PRH1: variants seen among roughly 807,000 people sequenced by gnomAD.
PRH1 encodes the protein salivary acidic proline-rich phosphoprotein 1/2.
In PRH1, 7 loss-of-function variants were observed where a neutral mutation model predicts 7.9. The observed-to-expected ratio is 0.89, with a 90% confidence interval of 0.50 to 1.67. The LOEUF (loss-of-function observed/expected upper bound fraction) is 1.67. Among genes scored for constraint, PRH1 ranks in the 40% most tolerant of loss-of-function variants. PRH1 has a pLI of 0.00. For synonymous variants in PRH1, 45 were observed against 80.8 expected (o/e 0.56, Z 2.38); for missense variants, 109 against 223.6 (o/e 0.49, Z 3.27).
intron 1 of PRH1, chr12:11,022,596 G>T: frequency 1.3e-6 from 2 of 1,533,842 alleles, no homozygotes; most frequent in Non-Finnish European, 1.8e-6. Context: ...AAAAATGCAG[G>T]CTTAGTAACA....
chr12:11,132,991 T>C (rs796375456), intron 1 of PRH1: 2 of 126,852 alleles, frequency 1.6e-5, no homozygotes, highest in Non-Finnish European at 2.9e-5. Flanking sequence ...ACAAATGAAA[T>C]ATAAAATACA....
intron 1 of PRH1, chr12:10,986,598 C>T (rs773277402): frequency 1.9e-6 from 3 of 1,613,868 alleles, no homozygotes; most frequent in Non-Finnish European, 2.5e-6. Context: ...GGTTACAACC[C>T]AGGCATTATA....
intron 1 of PRH1, among the ~76,000 whole-genome samples, chr12:11,087,237 G>A (rs369923733): frequency 0.032 from 2,452 of 76,854 alleles, 36 homozygotes; most frequent in Non-Finnish European, 0.049. Context: ...AAGTATTTGG[G>A]ACTATAGGCA....
At chr12:11,145,863 A>T (rs1217186609) in intron 1 of PRH1, among the ~76,000 whole-genome samples, 1 of 152,302 alleles carries the variant, frequency 6.6e-6, no homozygotes, top group African/African-American at 2.4e-5. Flanking sequence ...ATGAAGCATT[A>T]TAATGTTTTT....
chr12:11,031,141 A>G (rs774068493), intron 1 of PRH1: 15 of 1,614,140 alleles, frequency 9.3e-6, no homozygotes, highest in African/African-American at 6.7e-5. Context: ...TTGAATACCA[A>G]TTTAATAATA....
At chr12:11,070,398 C>T (rs1226725556) in intron 1 of PRH1, among the ~76,000 whole-genome samples, 5 of 96,762 alleles carry the variant, frequency 5.2e-5, no homozygotes, top group Non-Finnish European at 4.9e-5. Context: ...GAGCAGCCCA[C>T]CCTAAGGGGC....
At chr12:10,929,226 C>A in intron 2 of PRH1, 1 of 1,612,308 alleles carries the variant, frequency 6.2e-7, no homozygotes, top group South Asian at 1.1e-5. Context: ...GGAGCTGACA[C>A]GTTTCTCCCA....
intron 1 of PRH1, among the ~76,000 whole-genome samples, 166 bp downstream of exon 1, chr12:10,883,988 C>T (rs1486970392): frequency 6.6e-6 from 1 of 152,164 alleles, no homozygotes; most frequent in Non-Finnish European, 1.5e-5. Context: ...AACTATGAGG[C>T]CTTGATGAGG....
At chr12:10,929,307 G>A (rs745887063) in intron 2 of PRH1, 8 of 1,614,198 alleles carry the variant, frequency 5.0e-6, no homozygotes, top group Non-Finnish European at 6.8e-6. Context: ...GGCCCTGCTG[G>A]CCTTCAGCTC....
intron 1 of PRH1, chr12:11,159,177 G>C (rs1342621826): frequency 6.6e-6 from 1 of 151,888 alleles, no homozygotes; most frequent in Admixed American, 6.6e-5. Flanking sequence ...AGAAGCCTAA[G>C]GCCTTGAAGA....
At chr12:11,042,102 G>A (rs1418207183) in intron 1 of PRH1, among the ~76,000 whole-genome samples, 1 of 151,886 alleles carries the variant, frequency 6.6e-6, no homozygotes, top group Non-Finnish European at 1.5e-5. Context: ...CCCAAAATTA[G>A]TAGAACACAA....
chr12:11,020,419 GATAT>G (rs1168494511), intron 1 of PRH1, among the ~76,000 whole-genome samples: 1 of 25,634 alleles, frequency 3.9e-5, no homozygotes, highest in African/African-American at 7.5e-5. Flanking sequence ...TAGATACATA[GATAT>G]ATATATGATG....
chr12:10,945,197 G>T lies in PRH1; in HGVS notation c.-59+28458C>A, dbSNP rs1950467224. On this transcript the variant is annotated intron_variant, in intron 2 of 3. Coordinates refer to the PRH1 transcript ENST00000539853. Reference sequence around the variant, plus strand: ...TCCAGCAGGTCTTGGGCTTTTTTGGGTTCATAGGCTATTTATTACTGATTC... The same window carrying T: ...TCCAGCAGGTCTTGGGCTTTTTTGGTTTCATAGGCTATTTATTACTGATTC... 2.0e-5 allele frequency among the ~76,000 whole-genome samples: 3 copies of T among 152,072 alleles called. No homozygotes were observed. In the South Asian group the frequency reaches 6.2e-4, roughly 32 times the overall value.
At chr12:10,929,896 G>A (rs1399731918) in intron 2 of PRH1, among the ~76,000 whole-genome samples, 1 of 152,192 alleles carries the variant, frequency 6.6e-6, no homozygotes, top group Non-Finnish European at 1.5e-5. Flanking sequence ...AAGTGGCTAT[G>A]TCTGGTGGCT....
At chr12:11,042,344 C>T in intron 1 of PRH1, among the ~76,000 whole-genome samples, 1 of 151,678 alleles carries the variant, frequency 6.6e-6, no homozygotes, top group East Asian at 1.9e-4. Context: ...AACTATATAT[C>T]AATAAATTGG....
chr12:11,040,747 C>G (rs1417772902), intron 1 of PRH1, among the ~76,000 whole-genome samples: 5 of 152,104 alleles, frequency 3.3e-5, no homozygotes, highest in Non-Finnish European at 7.4e-5. Flanking sequence ...AAGACATAGA[C>G]AGTACAATAA....
chr12:11,119,444 A>G (rs2136320888), downstream of PRH1, among the ~76,000 whole-genome samples: 1 of 152,312 alleles, frequency 6.6e-6, no homozygotes, highest in South Asian at 2.1e-4. Flanking sequence ...TGTTTGTAAC[A>G]AAAAAGAGTA....
intron 1 of PRH1, among the ~76,000 whole-genome samples, chr12:11,168,299 A>AGAAGGAAGGAAGGAAGGAAG (rs1411750333): frequency 5.1e-4 from 3 of 5,888 alleles, no homozygotes; most frequent in African/African-American, 1.5e-3. Context: ...AAAGAAAGAA[A>AGAAGGAAGGAAGGAAGGAAG]GAAGGAAGGA....
At chr12:11,010,279 T>C (rs1481066140) in intron 1 of PRH1, among the ~76,000 whole-genome samples, 2 of 151,994 alleles carry the variant, frequency 1.3e-5, no homozygotes, top group East Asian at 1.9e-4. Context: ...AAATAAATCA[T>C]TTAATGAGAT....
Sources: gnomAD v4.1 joint callset for allele counts (sites outside exome capture counted in the v4.1 genomes callset) on GRCh38, gnomAD v4.1.1 for gene constraint, MANE v1.5 for transcripts, NCBI Gene and HGNC (gene_info 2026-07-23, HGNC 2026-07-21) for gene names.